Variants in COMMD1 observed in about 807,000 individuals in gnomAD.
The protein encoded by COMMD1 is copper metabolism domain containing 1.
COMMD1 carries 10 observed loss-of-function variants against 17.2 expected under a neutral mutation model. That is an observed-to-expected ratio of 0.58 (90% CI 0.36 to 0.99). COMMD1 has a LOEUF of 0.99. Among genes scored for constraint, COMMD1 ranks in the 50% least tolerant of loss-of-function variants. The pLI, the probability that COMMD1 is intolerant of heterozygous loss-of-function variation, is 0.01. For synonymous variants in COMMD1, 97 were observed against 91.6 expected, an observed-to-expected ratio of 1.06 and a Z score of -0.34; for missense variants, 270 against 231.8, an observed-to-expected ratio of 1.17 and a Z score of -1.07.
intron 1 of COMMD1, chr2:61,928,533 A>G (rs185206461): frequency 4.6e-5 from 7 of 152,310 alleles, no homozygotes; most frequent in Admixed American, 4.6e-4. Flanking sequence ...CGGAAAAGGA[A>G]TTTGTCACAT....
At chr2:61,990,453 G>C (rs1191532557) in intron 1 of COMMD1, among the ~76,000 whole-genome samples, 4 of 152,172 alleles carry the variant, frequency 2.6e-5, no homozygotes. Context: ...TTGGGAGGCT[G>C]AGGCGGAAGG....
chr2:61,901,772 A>T (rs994028070), upstream of COMMD1, among the ~76,000 whole-genome samples: 1 of 152,230 alleles, frequency 6.6e-6, no homozygotes, highest in African/African-American at 2.4e-5. Flanking sequence ...AGAGATGTAC[A>T]CTATAACTAT....
chr2:62,052,002 A>G (rs1670549516), intron 2 of COMMD1, among the ~76,000 whole-genome samples: 1 of 152,218 alleles, frequency 6.6e-6, no homozygotes, highest in Non-Finnish European at 1.5e-5. Flanking sequence ...TTCTCAGAGA[A>G]TTACCATCCA....
intron 1 of COMMD1, among the ~76,000 whole-genome samples, chr2:61,985,132 G>A (rs2103763462): frequency 6.6e-6 from 1 of 150,966 alleles, no homozygotes. Flanking sequence ...CTCACTGCAA[G>A]CTCCGCCTCC....
chr2:62,058,330 C>T (rs1313487468), intron 2 of COMMD1, among the ~76,000 whole-genome samples: 1 of 152,196 alleles, frequency 6.6e-6, no homozygotes, highest in East Asian at 1.9e-4. Context: ...AGTTCACAAT[C>T]ATAGTTAGAG....
At chr2:61,984,474 C>T (rs1204365150) in intron 1 of COMMD1, among the ~76,000 whole-genome samples, 1 of 152,130 alleles carries the variant, frequency 6.6e-6, no homozygotes, top group Non-Finnish European at 1.5e-5. Context: ...TTCCAAAATT[C>T]TTCTTGTTGC....
At chr2:61,905,535 G>A (rs1669746292), upstream of COMMD1, 1 of 732,796 alleles carries the variant, frequency 1.4e-6, no homozygotes, top group Non-Finnish European at 2.2e-6. Context: ...AAAGCTGTAA[G>A]CTGCCAACTC....
chr2:62,057,220 A>T (rs1670730042), intron 2 of COMMD1, among the ~76,000 whole-genome samples: 1 of 152,214 alleles, frequency 6.6e-6, no homozygotes, highest in Non-Finnish European at 1.5e-5. Flanking sequence ...CAATAAATGT[A>T]ATGCACTTGA....
intron 2 of COMMD1, among the ~76,000 whole-genome samples, chr2:62,098,452 G>A (rs1396998487): frequency 1.7e-5 from 1 of 60,114 alleles, no homozygotes; most frequent in Non-Finnish European, 3.1e-5. Context: ...GGTCAGCTAG[G>A]GTTGATGTCA....
chr2:62,106,111 C>T (rs906082225), intron 2 of COMMD1, among the ~76,000 whole-genome samples: 1 of 152,142 alleles, frequency 6.6e-6, no homozygotes, highest in African/African-American at 2.4e-5. Context: ...ATGCTGTTAA[C>T]CTCAGACTTC....
intron 2 of COMMD1, among the ~76,000 whole-genome samples, chr2:62,042,790 C>T (rs1413828214): frequency 3.9e-5 from 6 of 152,298 alleles, no homozygotes; most frequent in Non-Finnish European, 7.4e-5. Context: ...ACCACACACC[C>T]GGCCTCTTTT....
intron 2 of COMMD1, chr2:62,055,492 G>T (rs1194772902): frequency 3.3e-5 from 15 of 455,674 alleles, no homozygotes; most frequent in Non-Finnish European, 6.2e-5. Context: ...TATATGTGGC[G>T]ACCGGCTATC....
intron 2 of COMMD1, among the ~76,000 whole-genome samples, chr2:62,022,639 A>T (rs549043377): frequency 3.2e-3 from 462 of 145,996 alleles, no homozygotes; most frequent in African/African-American, 0.011. Context: ...CTTTTTTTTT[A>T]AAACAATTAA....
chr2:61,994,436 A>G (rs1164382540), intron 1 of COMMD1, among the ~76,000 whole-genome samples: 1 of 152,206 alleles, frequency 6.6e-6, no homozygotes, highest in Non-Finnish European at 1.5e-5. Context: ...TTTTATATTA[A>G]TGAAGAAATG....
At chr2:61,983,275 C>T (rs1043084935) in intron 1 of COMMD1, among the ~76,000 whole-genome samples, 13 of 151,640 alleles carry the variant, frequency 8.6e-5, no homozygotes, top group Admixed American at 2.0e-4. Context: ...CTGCAACCTC[C>T]GCATCCTGGG....
chr2:61,977,199 A>G (rs924183657), intron 1 of COMMD1, among the ~76,000 whole-genome samples: 15 of 142,096 alleles, frequency 1.1e-4, no homozygotes, highest in South Asian at 8.8e-4. Flanking sequence ...TTTAAGCTCA[A>G]TTTTGTTATG....
chr2:61,983,559 T>C (rs1450096953), intron 1 of COMMD1, among the ~76,000 whole-genome samples: 1 of 152,204 alleles, frequency 6.6e-6, no homozygotes, highest in Non-Finnish European at 1.5e-5. Context: ...GATTTCTTCA[T>C]TGTTCAATCT....
At chr2:62,094,132 T>C (rs1224007575) in intron 2 of COMMD1, among the ~76,000 whole-genome samples, 1 of 152,170 alleles carries the variant, frequency 6.6e-6, no homozygotes, top group African/African-American at 2.4e-5. Context: ...AGTTAGTAGA[T>C]TGCAGTCATA....
intron 2 of COMMD1, among the ~76,000 whole-genome samples, chr2:62,095,305 A>G (rs1671969645): frequency 6.6e-6 from 1 of 152,216 alleles, no homozygotes; most frequent in Non-Finnish European, 1.5e-5. Flanking sequence ...AATGCCCATG[A>G]CATTAAACAC....
Sources: gnomAD v4.1 joint callset for allele counts (sites outside exome capture counted in the v4.1 genomes callset) on GRCh38, gnomAD v4.1.1 for gene constraint, MANE v1.5 for transcripts, NCBI Gene and HGNC (gene_info 2026-07-23, HGNC 2026-07-21) for gene names.